Variants in MDM4 observed in about 807,000 individuals in gnomAD.
MDM4 encodes protein Mdm4.
In MDM4, 2 loss-of-function variants were observed where a neutral mutation model predicts 60.2. The observed-to-expected ratio is 0.03, with a 90% CI of 0.01 to 0.10. The LOEUF (loss-of-function observed/expected upper bound fraction) is 0.10, where lower values mean the gene tolerates loss of function less well. MDM4 is among the 10% of genes least tolerant of loss of function. The pLI is 1.00. For missense variants in MDM4, 447 were observed against 577.5 expected (o/e 0.77, Z 2.32); for synonymous variants, 202 against 198.1 (o/e 1.02, Z -0.17).
At chr1:204,527,756 T>C (rs1366824845) in intron 3 of MDM4, among the ~76,000 whole-genome samples, 1 of 152,180 alleles carries the variant, frequency 6.6e-6, no homozygotes, top group African/African-American at 2.4e-5. Flanking sequence ...CAATTTGTAT[T>C]CTTTAAGTGG....
At chr1:204,517,844 C>T (rs1449563379) in intron 1 of MDM4, among the ~76,000 whole-genome samples, 1 of 135,244 alleles carries the variant, frequency 7.4e-6, no homozygotes, top group Non-Finnish European at 1.6e-5. Flanking sequence ...AGTCTTCTCT[C>T]TCCTCATACA....
intron 9 of MDM4, among the ~76,000 whole-genome samples, chr1:204,545,072 T>G (rs1437606133): frequency 6.6e-6 from 1 of 152,156 alleles, no homozygotes; most frequent in Non-Finnish European, 1.5e-5. Context: ...CTTGCGATTT[T>G]TTTTCTCCTT....
At chr1:204,536,857 T>G in intron 5 of MDM4, 1 of 294,478 alleles carries the variant, frequency 3.4e-6, no homozygotes, top group South Asian at 2.8e-5. Flanking sequence ...TGAAAAAAAT[T>G]AATTTATATA....
chr1:204,555,056 C>G lies in MDM4; in HGVS notation c.*5374C>G. On this transcript the variant is annotated 3_prime_UTR_variant, in exon 11 of 11. Transcript: ENST00000367182. Reference sequence around the variant, plus strand: ...TAGCTAATATTTTTTGGTACTTTATCTGAAATCCAAGATGCTGCTTCCCCT... The same window carrying G: ...TAGCTAATATTTTTTGGTACTTTATGTGAAATCCAAGATGCTGCTTCCCCT... The G allele has an allele frequency of 4.6e-6, 1 of 215,626 alleles. No homozygotes were observed. The highest frequency in any genetic ancestry group is 9.3e-6 in the Non-Finnish European group (1 of 107,060). The allele number at this position is 215,626 out of a possible 1,614,324, so 13.4% of individuals were successfully genotyped here.
intron 5 of MDM4, among the ~76,000 whole-genome samples, chr1:204,535,157 CTTT>C (rs869147485): frequency 3.1e-5 from 4 of 130,134 alleles, no homozygotes; most frequent in Non-Finnish European, 5.0e-5. Flanking sequence ...AATGGTAGTT[CTTT>C]TTTTTTTTTT....
chr1:204,550,882 AT>A lies in MDM4; in HGVS notation c.*1203del, dbSNP rs1663139461. On this transcript the variant is annotated 3_prime_UTR_variant, in exon 11 of 11. Coordinates refer to ENST00000367182, the MANE Select transcript of MDM4 (RefSeq NM_002393.5). ...TGGGACTATAGATTTAGCTGATTAA[AT>A]TTATAGAAAAAGTCCTGTCATATAA... 5.6e-6 allele frequency: 1 copy of A among 179,832 alleles called. No individual in the cohort carries two copies. The highest frequency in any genetic ancestry group is 1.2e-5 in the Non-Finnish European group (1 of 83,926). The allele number at this position is 179,832 out of a possible 1,614,324, so 11.1% of individuals were successfully genotyped here. A position where few individuals can be genotyped will look rare whatever the true frequency, so the allele number is the denominator to read the frequency against.
chr1:204,523,782 T>C (rs1659823614), intron 1 of MDM4, among the ~76,000 whole-genome samples: 1 of 152,186 alleles, frequency 6.6e-6, no homozygotes, highest in Admixed American at 6.5e-5. Flanking sequence ...ATTTTACTTC[T>C]ATGGAAGGGT....
chr1:204,530,903 A>G, intron 4 of MDM4, 86 bp downstream of exon 4: 1 of 1,552,970 alleles, frequency 6.4e-7, no homozygotes, highest in Non-Finnish European at 8.8e-7. Context: ...TTATTACTTC[A>G]CTCAACAAAT....
chr1:204,528,635 C>T (rs1660500481), intron 3 of MDM4, among the ~76,000 whole-genome samples: 1 of 152,202 alleles, frequency 6.6e-6, no homozygotes. Flanking sequence ...CTTCATCAGG[C>T]CCCTACCTGT....
At chr1:204,520,326 CTA>C (rs1350278413) in intron 1 of MDM4, among the ~76,000 whole-genome samples, 1 of 145,338 alleles carries the variant, frequency 6.9e-6, no homozygotes, top group South Asian at 2.2e-4. Flanking sequence ...AGGAATTAAT[CTA>C]TGTTAGTGGA....
In MDM4 at chr1:204,549,849, A is replaced by T; in HGVS notation, c.*167A>T. On this transcript the variant is annotated 3_prime_UTR_variant, in exon 11 of 11. Transcript: ENST00000367182. ...GGAGCTAACAATGAAGAACAGAAGT[A>T]ATCTGATTAGTCAAATTATTAAGTG... 1 of 518,978 alleles carries T rather than the reference A, an allele frequency of 1.9e-6. No individual in the cohort carries two copies. Among genetic ancestry groups the T allele is most frequent in the Non-Finnish European group, 3.3e-6 (1 of 299,694 alleles). The allele number at this position is 518,978 out of a possible 1,614,324, so 32.1% of individuals were successfully genotyped here.
At chr1:204,543,042 AT>A in intron 8 of MDM4, 98 bp downstream of exon 8, 2 of 1,050,496 alleles carry the variant, frequency 1.9e-6, no homozygotes, top group African/African-American at 1.6e-5. Context: ...AAGAATTCTT[AT>A]TTACTCCTAT....
chr1:204,520,132 C>A (rs895852250), intron 1 of MDM4, among the ~76,000 whole-genome samples: 11 of 152,082 alleles, frequency 7.2e-5, no homozygotes, highest in African/African-American at 2.7e-4. Context: ...AAAAAATTAG[C>A]CAGGCGAGGT....
chr1:204,555,926 G>GTT lies in MDM4; in HGVS notation c.*6254_*6255dup. On this transcript the variant is annotated 3_prime_UTR_variant, in exon 11 of 11. Transcript: ENST00000367182. ...CCCTAATTTCTTATCTGAAGGCACTGTTTTTTTTTTTAAACAGTTAAGTAC... is the reference window on the plus strand; with the variant it reads ...CCCTAATTTCTTATCTGAAGGCACTGTTTTTTTTTTTTTAAACAGTTAAGTAC... The GTT allele has an allele frequency of 1.6e-5, 3 of 187,428 alleles. No individual in the cohort carries two copies. Among genetic ancestry groups the GTT allele is most frequent in the Non-Finnish European group, 3.3e-5 (3 of 89,906 alleles). 11.6% of individuals were successfully genotyped at this position (187,428 alleles called of 1,614,324 possible).
chr1:204,547,606 C>T (rs1662791894), intron 10 of MDM4, among the ~76,000 whole-genome samples: 1 of 152,194 alleles, frequency 6.6e-6, no homozygotes, highest in Non-Finnish European at 1.5e-5. Context: ...TCCCACCACA[C>T]CACTGTTGAG....
chr1:204,551,826 G>T lies in MDM4; in HGVS notation c.*2144G>T, dbSNP rs896715010. ...AATTTGCATTTGAACAAGTGTTCCT[G>T]GAATCTCTATGCAAGTTTTATACAG... On this transcript the variant is annotated 3_prime_UTR_variant, in exon 11 of 11. Transcript: ENST00000367182. 7 of 219,790 alleles carry T rather than the reference G, an allele frequency of 3.2e-5. No individual in the cohort carries two copies. The highest frequency in any genetic ancestry group is 6.4e-5 in the Non-Finnish European group (7 of 109,870). The allele number at this position is 219,790 out of a possible 1,614,324, so 13.6% of individuals were successfully genotyped here.
chr1:204,551,248 G>T lies in MDM4; in HGVS notation c.*1566G>T. 1 of 221,396 alleles carries T rather than the reference G, an allele frequency of 4.5e-6. No individual in the cohort carries two copies. Among genetic ancestry groups the T allele is most frequent in the Non-Finnish European group, 9.0e-6 (1 of 110,786 alleles). 13.7% of individuals were successfully genotyped at this position (221,396 alleles called of 1,614,324 possible). On this transcript the variant is annotated 3_prime_UTR_variant, in exon 11 of 11. Coordinates refer to ENST00000367182, the MANE Select transcript of MDM4 (RefSeq NM_002393.5). ...TTTTGTACAGACAGCATTTTGCCAT[G>T]TTGCCCAGGCTGGTCCCAAACTTCT...
chr1:204,541,032 T>G (rs1352701434), intron 7 of MDM4, among the ~76,000 whole-genome samples: 1 of 152,234 alleles, frequency 6.6e-6, no homozygotes, highest in African/African-American at 2.4e-5. Context: ...TGAATTTTGG[T>G]CTACCTAGTT....
rs961416606 is a variant in MDM4 at position 204,556,482 on chromosome 1, C to T, written c.*6800C>T. 4.5e-5 allele frequency: 10 copies of T among 220,172 alleles called. No individual in the cohort carries two copies. Among genetic ancestry groups the T allele is most frequent in the East Asian group, 6.6e-5 (1 of 15,062 alleles). The allele number at this position is 220,172 out of a possible 1,614,324, so 13.6% of individuals were successfully genotyped here. On this transcript the variant is annotated 3_prime_UTR_variant, in exon 11 of 11. Transcript: ENST00000367182. ...GTGGCCAAAGTGGGCAGATTGCTTG[C>T]GCTCTGGAGCTCGAGACCAGCCTGG...
Sources: allele counts gnomAD v4.1 joint callset (sites outside exome capture counted in the v4.1 genomes callset), GRCh38; gene constraint gnomAD v4.1.1; transcripts MANE v1.5; gene names NCBI Gene and HGNC (gene_info 2026-07-23, HGNC 2026-07-21).